The following LRRC7 variants were observed in gnomAD, a reference collection of about 807,000 sequenced individuals.
LRRC7 encodes leucine rich repeat containing 7.
In LRRC7, 23 loss-of-function variants were observed where a neutral mutation model predicts 175.7. That is an observed-to-expected ratio of 0.13 (90% CI 0.09 to 0.19). LRRC7 has a LOEUF of 0.19. LRRC7 is among the 10% of genes least tolerant of loss of function. The pLI is 1.00. For missense variants in LRRC7, 1,354 were observed against 1,904.7 expected (o/e 0.71, Z 5.38); for synonymous variants, 685 against 680.9 (o/e 1.01, Z -0.09).
At chr1:69,824,396 C>G (rs1679652129) in intron 4 of LRRC7, among the ~76,000 whole-genome samples, 1 of 152,182 alleles carries the variant, frequency 6.6e-6, no homozygotes, top group East Asian at 1.9e-4. Flanking sequence ...GTGTTTCGGC[C>G]TTCCAAAAAC....
intron 7 of LRRC7, among the ~76,000 whole-genome samples, chr1:69,889,147 G>A (rs1375086680): frequency 6.6e-6 from 1 of 152,136 alleles, no homozygotes; most frequent in Non-Finnish European, 1.5e-5. Context: ...TAATATTTTT[G>A]TTGATAGAGG....
chr1:70,062,632 A>C (rs1661670660), intron 23 of LRRC7, among the ~76,000 whole-genome samples: 1 of 152,078 alleles, frequency 6.6e-6, no homozygotes, highest in Admixed American at 6.6e-5. Flanking sequence ...GGAGGAAATC[A>C]AAAATTCCAT....
At chr1:69,830,764 G>A (rs1416253730) in intron 5 of LRRC7, among the ~76,000 whole-genome samples, 1 of 151,894 alleles carries the variant, frequency 6.6e-6, no homozygotes, top group Non-Finnish European at 1.5e-5. Context: ...GACATACTAT[G>A]TAATCGTATT....
chr1:69,857,599 C>A (rs537221073), intron 7 of LRRC7, among the ~76,000 whole-genome samples: 4 of 151,892 alleles, frequency 2.6e-5, no homozygotes, highest in African/African-American at 4.8e-5. Flanking sequence ...TACTGCTCAA[C>A]GAAATAAAAG....
At chr1:69,986,512 G>A (rs1653948081) in intron 10 of LRRC7, 126 bp downstream of exon 10, 1 of 689,128 alleles carries the variant, frequency 1.5e-6, no homozygotes, top group South Asian at 4.6e-5. Flanking sequence ...TTTAAAATGT[G>A]CTATGGAAAT....
chr1:70,143,655 CCT>C lies in LRRC7; in HGVS notation c.*21771_*21772del, dbSNP rs1667174401. The stretch of plus-strand genomic sequence containing the variant: ...TTCGGGTGGGAGGGGGCAGGAAACA[CCT>C]CTTCACATTTAAGGTTTTCTACTTG... On this transcript the variant is annotated 3_prime_UTR_variant, in exon 27 of 27. Coordinates refer to ENST00000651989, the MANE Select transcript of LRRC7 (RefSeq NM_001370785.2). 6.6e-6 allele frequency: 1 copy of C among 152,022 alleles called. No individual in the cohort carries two copies. The highest frequency in any genetic ancestry group is 1.5e-5 in the Non-Finnish European group (1 of 68,004). The allele number at this position is 152,022 out of a possible 1,614,324, so 9.4% of individuals were successfully genotyped here.
chr1:69,779,155 GT>G (rs1673190625), intron 3 of LRRC7, among the ~76,000 whole-genome samples: 2 of 152,080 alleles, frequency 1.3e-5, no homozygotes, highest in Non-Finnish European at 2.9e-5. Context: ...AAAGCCAGTA[GT>G]TTTTTATATG....
At chr1:69,805,406 G>A (rs895099155) in intron 4 of LRRC7, among the ~76,000 whole-genome samples, 6 of 151,722 alleles carry the variant, frequency 4.0e-5, no homozygotes, top group African/African-American at 7.2e-5. Flanking sequence ...ACTCTGTGAC[G>A]CCTTGTGTCA....
intron 1 of LRRC7, among the ~76,000 whole-genome samples, chr1:69,581,322 A>G (rs1279575109): frequency 6.6e-6 from 1 of 152,222 alleles, no homozygotes; most frequent in Non-Finnish European, 1.5e-5. Flanking sequence ...GAGCTGGACA[A>G]TAAATTATCT....
intron 8 of LRRC7, among the ~76,000 whole-genome samples, chr1:69,943,671 G>A (rs1570750986): frequency 8.6e-6 from 1 of 115,832 alleles, no homozygotes; most frequent in African/African-American, 4.9e-5. Context: ...TATGGCCCAA[G>A]TGAACACTTT....
In LRRC7 at chr1:69,792,096, T is replaced by C. The variant is rs34658389; in HGVS notation, c.357T>C (p.Leu119=). Residue 119 remains leucine, a synonymous_variant, in exon 4 of 27, where the codon CTT becomes CTC. Coordinates refer to ENST00000651989, the MANE Select transcript of LRRC7 (RefSeq NM_001370785.2). ...LRKLSIPDND[L]SNLPTTIASL... ...AACTAAGTATTCCTGATAACGACCTTTCAAATCTGCCAACCACTATTGCTA... is the reference window on the plus strand; with the variant it reads ...AACTAAGTATTCCTGATAACGACCTCTCAAATCTGCCAACCACTATTGCTA... 6.3e-3 allele frequency: 10,184 copies of C among 1,611,132 alleles called. 48 individuals carry two copies. The highest frequency in any genetic ancestry group is 8.0e-3 in the Non-Finnish European group (9,442 of 1,177,816).
At chr1:69,620,233 C>T (rs1289144504) in intron 1 of LRRC7, among the ~76,000 whole-genome samples, 1 of 149,494 alleles carries the variant, frequency 6.7e-6, no homozygotes, top group Non-Finnish European at 1.5e-5. Context: ...TTTAAATTAA[C>T]ATTTAATGAC....
intron 7 of LRRC7, among the ~76,000 whole-genome samples, chr1:69,846,107 A>G (rs1682336915): frequency 6.6e-6 from 1 of 152,144 alleles, no homozygotes; most frequent in South Asian, 2.1e-4. Context: ...AAATAAGTGG[A>G]TAATTATGAC....
chr1:70,079,906 A>C (rs142776793), intron 24 of LRRC7, among the ~76,000 whole-genome samples: 1 of 152,310 alleles, frequency 6.6e-6, no homozygotes, highest in African/African-American at 2.4e-5. Flanking sequence ...TCATCCTCAT[A>C]ATAATCTTAT....
chr1:70,096,350 TA>T (rs1479451418), intron 25 of LRRC7, among the ~76,000 whole-genome samples: 1 of 152,222 alleles, frequency 6.6e-6, no homozygotes, highest in Non-Finnish European at 1.5e-5. Context: ...TATCTGATTC[TA>T]AGTACAGTGG....
intron 1 of LRRC7, among the ~76,000 whole-genome samples, chr1:69,626,860 G>A (rs1651666301): frequency 6.6e-6 from 1 of 151,898 alleles, no homozygotes; most frequent in South Asian, 2.1e-4. Context: ...TGCTGAGAAT[G>A]ATGGTTTCCA....
intron 7 of LRRC7, among the ~76,000 whole-genome samples, chr1:69,904,257 A>G (rs184905976): frequency 2.0e-5 from 3 of 152,206 alleles, no homozygotes; most frequent in Admixed American, 6.5e-5. Context: ...CAACTTACAG[A>G]AAAAGAATTT....
At chr1:69,906,131 T>C (rs1045519285) in intron 7 of LRRC7, among the ~76,000 whole-genome samples, 1 of 152,226 alleles carries the variant, frequency 6.6e-6, no homozygotes, top group Non-Finnish European at 1.5e-5. Flanking sequence ...TAAATTTGTG[T>C]GAGTTCATTG....
intron 2 of LRRC7, among the ~76,000 whole-genome samples, chr1:69,741,728 A>T (rs1244624975): frequency 6.6e-6 from 1 of 152,018 alleles, no homozygotes; most frequent in African/African-American, 2.4e-5. Context: ...CTTGCTGATT[A>T]TGACTCTAAT....
Sources: gnomAD v4.1 joint callset for allele counts (sites outside exome capture counted in the v4.1 genomes callset) on GRCh38, gnomAD v4.1.1 for gene constraint, MANE v1.5 for transcripts, NCBI Gene and HGNC (gene_info 2026-07-23, HGNC 2026-07-21) for gene names.